Variants in TOP2B observed in about 807,000 individuals in gnomAD.
The protein encoded by TOP2B is DNA topoisomerase 2-beta.
A neutral mutation model predicts 193.5 loss-of-function variants in TOP2B; 51 were observed. The ratio of observed to expected loss-of-function variants is 0.26; its 90% confidence interval spans 0.21 to 0.33. The LOEUF is 0.33. Among genes scored for constraint, TOP2B ranks in the 10% least tolerant of loss-of-function variants. The pLI is 1.00. For synonymous variants in TOP2B, 634 were observed against 635.7 expected (o/e 1.00, Z 0.04); for missense variants, 1,378 against 1,909.3 (o/e 0.72, Z 5.19).
Position 25,630,331 on chromosome 3 carries a change from C to T in TOP2B, c.1544G>A (p.Arg515Gln). 6.4e-7 allele frequency: 1 copy of T among 1,551,282 alleles called. No individual in the cohort carries two copies. The highest frequency in any genetic ancestry group is 8.7e-7 in the Non-Finnish European group (1 of 1,146,690). ...ACATACCTGTTTATGAGAAGCTTCC[C>T]GTACATTAAGAATTTTGCCCCTGAG... The part of the protein sequence containing the change: ...FPLRGKILNV[R>Q]EASHKQIMEN... Residue 515 changes from arginine (R) to glutamine (Q), a missense_variant, in exon 12 of 36, where the codon CGG (arginine) becomes CAG (glutamine). By Grantham distance (43) the Arg-to-Gln change is conservative (BLOSUM62 1). Coordinates refer to ENST00000264331, the MANE Select transcript of TOP2B (RefSeq NM_001330700.2).
At chr3:25,605,857 A>G (rs545537384) in intron 32 of TOP2B, among the ~76,000 whole-genome samples, 186 bp downstream of exon 32, 1 of 152,270 alleles carries the variant, frequency 6.6e-6, no homozygotes, top group South Asian at 2.1e-4. Context: ...TATTTTGACC[A>G]ATTAGTTAGG....
intron 2 of TOP2B, 27 bp from the exon 3 acceptor site, chr3:25,643,811 TTA>T (rs751721932): frequency 6.4e-7 from 1 of 1,560,044 alleles, no homozygotes; most frequent in Admixed American, 1.7e-5. Context: ...AAAAAAAATT[TTA>T]CTCAATAAAT....
At chr3:25,642,542 C>T (rs1242451614) in intron 3 of TOP2B, among the ~76,000 whole-genome samples, 157 bp from the exon 4 acceptor site, 1 of 151,916 alleles carries the variant, frequency 6.6e-6, no homozygotes, top group South Asian at 2.1e-4. Flanking sequence ...ATCTTATTTT[C>T]CAAATAATAT....
At chr3:25,641,833 GCTA>G (rs1703272346) in intron 4 of TOP2B, among the ~76,000 whole-genome samples, 1 of 152,016 alleles carries the variant, frequency 6.6e-6, no homozygotes, top group Non-Finnish European at 1.5e-5. Context: ...CTGATTTAAT[GCTA>G]CTATTTTTTA....
chr3:25,615,463 C>CT lies in TOP2B; in HGVS notation c.3474dup (p.Val1159SerfsTer2). ...TCTCTCTGTTTAATCAGTTCTTCAA[C>CT]TTTTTCTTTAGTAAGAGACCACAGA... On this transcript the variant is annotated frameshift_variant, in exon 26 of 36. Coordinates refer to ENST00000264331, the MANE Select transcript of TOP2B (RefSeq NM_001330700.2). LOFTEE classifies it high-confidence loss of function. The CT allele has an allele frequency of 6.4e-7, 1 of 1,563,384 alleles. No individual in the cohort carries two copies. The highest frequency in any genetic ancestry group is 8.6e-7 in the Non-Finnish European group (1 of 1,157,334).
rs1455632018 is a variant in TOP2B, at chr3:25,664,469, TGAG to T, written c.-175_-173del. 3.3e-6 allele frequency: 4 copies of T among 1,208,240 alleles called. No individual in the cohort carries two copies. The African/African-American group carries it at 6.4e-5, about 19-fold the overall frequency. The allele number at this position is 1,208,240 out of a possible 1,614,324, so 74.8% of individuals were successfully genotyped here. A position where few individuals can be genotyped will look rare whatever the true frequency, so the allele number is the denominator to read the frequency against. On this transcript the variant is annotated 5_prime_UTR_variant, in exon 1 of 36. Transcript: ENST00000264331. ...GGAGCGGACGTCCAGCCGAGCCCGC[TGAG>T]GAGGCCGCGCCGCCGGCTGCCCTCA...
Position 25,598,237 on chromosome 3 carries a change from A to C in TOP2B, c.*70T>G. 2 of 1,464,184 alleles carry C rather than the reference A, an allele frequency of 1.4e-6. No individual in the cohort carries two copies. The highest frequency in any genetic ancestry group is 1.8e-6 in the Non-Finnish European group (2 of 1,086,828). The allele number at this position is 1,464,184 out of a possible 1,614,324, so 90.7% of individuals were successfully genotyped here. A position where few individuals can be genotyped will look rare whatever the true frequency, so the allele number is the denominator to read the frequency against. On this transcript the variant is annotated 3_prime_UTR_variant, in exon 36 of 36. Transcript: ENST00000264331. ...CATTAAAATAAGCCAGATGTACAAA[A>C]GTCTGAGACAGAGAAGACAAAAGGA... is the stretch of plus-strand genomic sequence containing the variant.
intron 13 of TOP2B, 125 bp downstream of exon 13, chr3:25,629,904 T>G: frequency 9.4e-7 from 1 of 1,061,032 alleles, no homozygotes; most frequent in South Asian, 2.1e-5. Flanking sequence ...GTTTTTTCAT[T>G]TTTTCCTCCT....
chr3:25,628,758 T>C (rs1487237700), intron 15 of TOP2B, 89 bp downstream of exon 15: 4 of 802,016 alleles, frequency 5.0e-6, no homozygotes, highest in African/African-American at 3.5e-5. Flanking sequence ...AAGTCTAAAA[T>C]AGTCAAACTT....
intron 29 of TOP2B, 49 bp downstream of exon 29, chr3:25,609,519 A>T: frequency 1.3e-6 from 2 of 1,572,956 alleles, no homozygotes; most frequent in Non-Finnish European, 1.7e-6. Flanking sequence ...AATACTCTAT[A>T]CAAATATTTT....
chr3:25,629,470 T>G lies in TOP2B; in HGVS notation c.1690-325A>C, dbSNP rs368452222. ...ATAATGCCACCTTAATGGGCAATGG[T>G]AGGGAAACCCAGGTAATACAGATAT... On this transcript the variant is annotated intron_variant, in intron 13 of 35. Transcript: ENST00000264331. Among the ~76,000 whole-genome samples, 31 of 152,230 alleles carry G rather than the reference T, an allele frequency of 2.0e-4. No individual in the cohort carries two copies. The East Asian group carries it at 5.4e-3, about 27-fold the overall frequency.
chr3:25,614,406 C>T (rs1702454377), intron 27 of TOP2B, among the ~76,000 whole-genome samples: 3 of 151,744 alleles, frequency 2.0e-5, no homozygotes, highest in Admixed American at 2.0e-4. Flanking sequence ...TGCAAAAAAA[C>T]TAATTAATGA....
chr3:25,627,099 A>C, intron 16 of TOP2B, 88 bp downstream of exon 16: 1 of 942,392 alleles, frequency 1.1e-6, no homozygotes, highest in Middle Eastern at 2.2e-4. Flanking sequence ...TTCAAAAGAG[A>C]CTTATCATAG....
intron 25 of TOP2B, 140 bp from the exon 26 acceptor site, chr3:25,615,726 T>G: frequency 1.4e-6 from 1 of 707,864 alleles, no homozygotes; most frequent in Non-Finnish European, 2.0e-6. Flanking sequence ...TTATTTTGGA[T>G]TACCTATAAA....
chr3:25,619,604 C>T (rs1355672153), intron 23 of TOP2B, among the ~76,000 whole-genome samples: 1 of 151,918 alleles, frequency 6.6e-6, no homozygotes, highest in Non-Finnish European at 1.5e-5. Context: ...AACTTTTAGT[C>T]AATGTGTGTG....
intron 3 of TOP2B, among the ~76,000 whole-genome samples, chr3:25,642,998 T>C (rs1703307442): frequency 6.6e-6 from 1 of 152,170 alleles, no homozygotes; most frequent in South Asian, 2.1e-4. Context: ...ACAGTAAAAT[T>C]ATAATATGGA....
At chr3:25,664,178 G>A (rs923269880) in intron 1 of TOP2B, 51 bp downstream of exon 1, 3 of 1,310,746 alleles carry the variant, frequency 2.3e-6, no homozygotes, top group Admixed American at 2.2e-5. Context: ...TTCCGCCCCC[G>A]CCGCGGGCCC....
At position 25,653,770 on chromosome 3, in the gene TOP2B, G is replaced by A. The variant is rs532880419; in HGVS notation, c.70-8300C>T. Among the ~76,000 whole-genome samples, 8 of 152,180 alleles carry A rather than the reference G, an allele frequency of 5.3e-5. No individual in the cohort carries two copies. In the South Asian group the frequency reaches 1.2e-3, roughly 24 times the overall value. ...AGGATTACACACAATAAGCAAATGGGATTTATACTTGAAATGCAAGGATGT... is the reference window on the plus strand; with the variant it reads ...AGGATTACACACAATAAGCAAATGGAATTTATACTTGAAATGCAAGGATGT... On this transcript the variant is annotated intron_variant, in intron 1 of 35. Coordinates refer to ENST00000264331, the MANE Select transcript of TOP2B (RefSeq NM_001330700.2).
Position 25,607,177 on chromosome 3 carries a change from G to A in TOP2B, c.4292C>T (p.Thr1431Ile). Residue 1431 changes from threonine (T) to isoleucine (I), a missense_variant, in exon 31 of 36, where the codon ACT becomes ATT. Thr to Ile is a moderately conservative substitution (Grantham distance 89, BLOSUM62 -1). Coordinates refer to ENST00000264331, the MANE Select transcript of TOP2B (RefSeq NM_001330700.2). ...ACTAAATAGCATTACTTACTCTGGA[G>A]TGGCTTTTGATTTGCCTGGTGAAAA... ...YTFSPGKSKA[T>I]PEKSLHDKKS... 6.2e-7 allele frequency: 1 copy of A among 1,613,104 alleles called. No individual in the cohort carries two copies. Among genetic ancestry groups the A allele is most frequent in the Non-Finnish European group, 8.5e-7 (1 of 1,179,484 alleles).
Sources: allele counts gnomAD v4.1 joint callset (sites outside exome capture counted in the v4.1 genomes callset), GRCh38; gene constraint gnomAD v4.1.1; transcripts MANE v1.5; gene names NCBI Gene and HGNC (gene_info 2026-07-23, HGNC 2026-07-21).